Variants in TK1 observed in about 807,000 individuals in gnomAD.
TK1 encodes thymidine kinase, cytosolic.
In TK1, 13 loss-of-function variants were observed where a neutral mutation model predicts 22.4. That is an observed-to-expected ratio of 0.58 (90% CI 0.38 to 0.92). The LOEUF (loss-of-function observed/expected upper bound fraction) is 0.92, where lower values mean the gene tolerates loss of function less well. TK1 is among the 40% of genes least tolerant of loss of function. The probability of loss-of-function intolerance (pLI) is 0.00; values close to 1 mark genes in which losing one functional copy is unlikely to be tolerated. For synonymous variants in TK1, 134 were observed against 125.4 expected, an observed-to-expected ratio of 1.07 and a Z score of -0.46; for missense variants, 251 against 315.7, an observed-to-expected ratio of 0.80 and a Z score of 1.55.
intron 4 of TK1, chr17:78,179,807 C>T (rs1225472507): frequency 9.4e-6 from 9 of 957,750 alleles, no homozygotes; most frequent in Non-Finnish European, 1.1e-5. Flanking sequence ...TGGTGGCTCA[C>T]GCCTGTAATC....
At position 78,180,063 on chromosome 17, in the gene TK1, T is replaced by C. The variant is rs539637105; in HGVS notation, c.303+2526A>G. Among the ~76,000 whole-genome samples, 12 of 152,360 alleles carry C rather than the reference T, an allele frequency of 7.9e-5. No individual in the cohort carries two copies. In the South Asian group the frequency reaches 2.5e-3, roughly 32 times the overall value. On this transcript the variant is annotated intron_variant, in intron 4 of 6. Transcript: ENST00000301634. The stretch of plus-strand genomic sequence containing the variant: ...TCCAGCCTGGGCCACAGAGCAAGAC[T>C]GTTTTTAAAAACAAACAAAAAACGA...
At position 78,176,038 on chromosome 17, in the gene TK1, G is replaced by C. The variant is rs2145821899; in HGVS notation, c.304-420C>G. ...TTCCTTTTCCTTAAGAGCAAGGAAG[G>C]TCCTGTTGTTTAAGGATGGAAGGCC... On this transcript the variant is annotated intron_variant, in intron 4 of 6. Coordinates refer to ENST00000301634, the MANE Select transcript of TK1 (RefSeq NM_003258.5). Among the ~76,000 whole-genome samples, 5 of 152,336 alleles carry C rather than the reference G, an allele frequency of 3.3e-5. 1 individual carries two copies. In the South Asian group the frequency reaches 1.0e-3, roughly 32 times the overall value.
At position 78,185,066 on chromosome 17, in the gene TK1, G is replaced by A; in HGVS notation, c.198C>T (p.Cys66=). 7 of 1,612,818 alleles carry A rather than the reference G, an allele frequency of 4.3e-6. No individual in the cohort carries two copies. Among genetic ancestry groups the A allele is most frequent in the South Asian group, 1.1e-5 (1 of 91,002 alleles). The change falls in exon 3 of 7, where the codon TGC becomes TGT. Residue 66 remains cysteine (C), a synonymous_variant. Coordinates refer to ENST00000301634, the MANE Select transcript of TK1 (RefSeq NM_003258.5). The part of the protein sequence containing the change: ...AKDTRYSSSF[C]THDRNTMEAL... ...GGGCAGGGACTGACCGGTCATGTGT[G>A]CAGAAGCTGCTGCTGTAGCGAGTGT...
chr17:78,176,701 G>A (rs990882947), intron 4 of TK1, among the ~76,000 whole-genome samples: 14 of 152,142 alleles, frequency 9.2e-5, no homozygotes, highest in African/African-American at 2.4e-4. Flanking sequence ...GCTGTGGGCC[G>A]GCACACCACC....
chr17:78,182,843 C>T (rs748475148), intron 3 of TK1, among the ~76,000 whole-genome samples, 161 bp from the exon 4 acceptor site: 6 of 152,182 alleles, frequency 3.9e-5, no homozygotes, highest in Non-Finnish European at 5.9e-5. Context: ...GAAAGGCCCT[C>T]GTCCAGAAAA....
chr17:78,181,767 T>C (rs981651269), intron 4 of TK1, among the ~76,000 whole-genome samples: 7 of 147,194 alleles, frequency 4.8e-5, no homozygotes, highest in African/African-American at 1.5e-4. Context: ...CACCTCCCCC[T>C]TTTTTTTTTG....
intron 4 of TK1, chr17:78,179,424 T>C: frequency 1.0e-6 from 1 of 985,296 alleles, no homozygotes; most frequent in South Asian, 4.7e-5. Flanking sequence ...CCTCTGAAGG[T>C]CAGAAACGGA....
chr17:78,177,511 T>C (rs1478502206), intron 4 of TK1, among the ~76,000 whole-genome samples: 1 of 152,218 alleles, frequency 6.6e-6, no homozygotes, highest in Admixed American at 6.5e-5. Context: ...GTCCCAGGCA[T>C]TTAGGTTAAG....
intron 4 of TK1, among the ~76,000 whole-genome samples, chr17:78,177,310 G>T (rs1373992805): frequency 6.6e-6 from 1 of 152,190 alleles, no homozygotes; most frequent in Non-Finnish European, 1.5e-5. Context: ...TGACCTCATG[G>T]GACAGGTCAC....
chr17:78,185,618 G>T (rs12600793), intron 2 of TK1, among the ~76,000 whole-genome samples: 1 of 152,058 alleles, frequency 6.6e-6, no homozygotes, highest in Non-Finnish European at 1.5e-5. Context: ...CCTGCCTTCC[G>T]GGTTCAAGAG....
In TK1 at chr17:78,179,546, C is replaced by G. The variant is rs1026971748; in HGVS notation, c.303+3043G>C. 10 of 985,338 alleles carry G rather than the reference C, an allele frequency of 1.0e-5. No homozygotes were observed. The African/African-American group carries it at 1.7e-4, about 17-fold the overall frequency. 61.0% of individuals were successfully genotyped at this position (985,338 alleles called of 1,614,324 possible). A position where few individuals can be genotyped will look rare whatever the true frequency, so the allele number is the denominator to read the frequency against. ...CAGATGCCCCGCACAGGGGAAGGGA[C>G]CCGTCAGCCTCCCCACGGGAATGGA... On this transcript the variant is annotated intron_variant, in intron 4 of 6. Coordinates refer to ENST00000301634, the MANE Select transcript of TK1 (RefSeq NM_003258.5).
intron 4 of TK1, among the ~76,000 whole-genome samples, chr17:78,178,483 T>G (rs1324450156): frequency 6.6e-6 from 1 of 152,194 alleles, no homozygotes; most frequent in African/African-American, 2.4e-5. Flanking sequence ...CTTTCCCTGC[T>G]GACCCAGAAA....
intron 4 of TK1, among the ~76,000 whole-genome samples, chr17:78,177,575 A>ATT (rs148116384): frequency 6.3e-5 from 9 of 143,732 alleles, no homozygotes; most frequent in African/African-American, 1.0e-4. Flanking sequence ...AAAAAGGTCT[A>ATT]TTTTTTTTTT....
chr17:78,184,482 T>G (rs1348535644), intron 3 of TK1, among the ~76,000 whole-genome samples: 1 of 152,168 alleles, frequency 6.6e-6, no homozygotes, highest in African/African-American at 2.4e-5. Flanking sequence ...AAACTGAGGT[T>G]GCAGGCGGAA....
chr17:78,175,730 G>GT, intron 4 of TK1, 112 bp from the exon 5 acceptor site: 1 of 942,204 alleles, frequency 1.1e-6, no homozygotes, highest in South Asian at 1.5e-5. Context: ...TTGGCCCGGA[G>GT]TAACTCTTAA....
chr17:78,174,612 A>AAG lies in TK1; in HGVS notation c.*146_*147insCT. On this transcript the variant is annotated 3_prime_UTR_variant, in exon 7 of 7. Transcript: ENST00000301634. Reference sequence around the variant, plus strand: ...GGAGGGAGCATGCGGCAGGTGGGGCAGCCACACAAAGGAGAGTTCCCAGAA... The same window carrying AAG: ...GGAGGGAGCATGCGGCAGGTGGGGCAAGGCCACACAAAGGAGAGTTCCCAGAA... 1.2e-6 allele frequency: 1 copy of AAG among 861,016 alleles called. No homozygotes were observed. The allele number at this position is 861,016 out of a possible 1,614,324, so 53.3% of individuals were successfully genotyped here.
chr17:78,187,122 G>A (rs1159448755), upstream of TK1: 4 of 1,112,454 alleles, frequency 3.6e-6, no homozygotes, highest in Non-Finnish European at 5.4e-6. Flanking sequence ...CGCCGCCATG[G>A]GGCCAATCAG....
chr17:78,186,670 AAGGGGAGGGAAGGGAAGGGG>A (rs2075798845), intron 2 of TK1, 97 bp downstream of exon 2: 3 of 832,576 alleles, frequency 3.6e-6, no homozygotes, highest in Non-Finnish European at 3.4e-6. Context: ...AGGGGAAGGG[AAGGGGAGGGAAGGGAAGGGG>A]AGGGGAGGGG....
At chr17:78,179,385 G>A (rs961495530) in intron 4 of TK1, 5 of 985,236 alleles carry the variant, frequency 5.1e-6, no homozygotes, top group South Asian at 4.7e-5. Context: ...CTCCACGTAC[G>A]CAGAGGCATG....
Sources: allele counts gnomAD v4.1 joint callset (sites outside exome capture counted in the v4.1 genomes callset), GRCh38; gene constraint gnomAD v4.1.1; transcripts MANE v1.5; gene names NCBI Gene and HGNC (gene_info 2026-07-23, HGNC 2026-07-21).